The following ZMIZ1 variants were observed in gnomAD, a reference collection of about 807,000 sequenced individuals.
The protein encoded by ZMIZ1 is zinc finger MIZ-type containing 1.
A neutral mutation model predicts 113.9 loss-of-function variants in ZMIZ1; 17 were observed. The observed-to-expected ratio is 0.15, with a 90% CI of 0.10 to 0.22. ZMIZ1 has a LOEUF of 0.22. ZMIZ1 is among the 10% of genes least tolerant of loss of function. The pLI is 1.00. For synonymous variants in ZMIZ1, 607 were observed against 603.1 expected (o/e 1.01, Z -0.09); for missense variants, 1,059 against 1,477.8 (o/e 0.72, Z 4.65).
At chr10:79,277,678 G>A (rs571071627) in intron 8 of ZMIZ1, among the ~76,000 whole-genome samples, 3 of 152,302 alleles carry the variant, frequency 2.0e-5, no homozygotes, top group Non-Finnish European at 2.9e-5. Flanking sequence ...CACGGGGTTG[G>A]TGGTTCCAGC....
chr10:79,095,642 G>A (rs1382799439), intron 1 of ZMIZ1, among the ~76,000 whole-genome samples: 2 of 152,196 alleles, frequency 1.3e-5, no homozygotes, highest in Non-Finnish European at 2.9e-5. Context: ...CCTTGGGCTT[G>A]GAACGCACCT....
chr10:79,255,264 C>T (rs749860602), intron 7 of ZMIZ1, among the ~76,000 whole-genome samples: 8 of 152,216 alleles, frequency 5.3e-5, no homozygotes, highest in Non-Finnish European at 8.8e-5. Flanking sequence ...GGCCTCAGGG[C>T]AGGGGAGAGA....
At chr10:79,114,131 GAC>G (rs1843884034) in intron 1 of ZMIZ1, among the ~76,000 whole-genome samples, 1 of 152,222 alleles carries the variant, frequency 6.6e-6, no homozygotes, top group African/African-American at 2.4e-5. Context: ...TCCAGCGGCA[GAC>G]TTCCCTGCCC....
Position 79,301,738 on chromosome 10 carries a change from G to A in ZMIZ1, c.2020-369G>A, listed in dbSNP as rs1176415828. On this transcript the variant is annotated intron_variant, in intron 17 of 24. Coordinates refer to ENST00000334512, the MANE Select transcript of ZMIZ1 (RefSeq NM_020338.4). ...CGGCTGATGGGTGGACGTTTGGGAT[G>A]TGCAGTTCTGGAAGGCTTCCTGGAG... is the stretch of plus-strand genomic sequence containing the variant. Among the ~76,000 whole-genome samples the A allele has an allele frequency of 2.0e-5, 3 of 152,170 alleles. No homozygotes were observed. The South Asian group carries it at 6.2e-4, about 32-fold the overall frequency.
intron 8 of ZMIZ1, among the ~76,000 whole-genome samples, chr10:79,287,151 C>T (rs959709135): frequency 6.6e-6 from 1 of 152,184 alleles, no homozygotes; most frequent in African/African-American, 2.4e-5. Flanking sequence ...CTCTGGTGTG[C>T]CAGTCTGGAA....
At chr10:79,151,819 C>T (rs1219165534) in intron 3 of ZMIZ1, among the ~76,000 whole-genome samples, 1 of 152,130 alleles carries the variant, frequency 6.6e-6, no homozygotes, top group African/African-American at 2.4e-5. Flanking sequence ...CAGTGGGCTG[C>T]GGGATGTGAG....
chr10:79,204,494 T>G (rs1848230516), intron 5 of ZMIZ1, among the ~76,000 whole-genome samples: 1 of 152,158 alleles, frequency 6.6e-6, no homozygotes, highest in South Asian at 2.1e-4. Context: ...CTGTACCCCA[T>G]CCCTGAGCTT....
chr10:79,272,674 C>T lies in ZMIZ1; in HGVS notation c.281-4507C>T, dbSNP rs555767699. ...AATGAACGTTGGGTGAGTGATAGAA[C>T]ACCTTGGTACTGTAGGTTAGAATGG... On this transcript the variant is annotated intron_variant, in intron 7 of 24. Coordinates refer to ENST00000334512, the MANE Select transcript of ZMIZ1 (RefSeq NM_020338.4). 5.9e-5 allele frequency among the ~76,000 whole-genome samples: 9 copies of T among 152,354 alleles called. No homozygotes were observed. In the South Asian group the frequency reaches 1.9e-3, roughly 32 times the overall value.
At chr10:79,106,631 A>G (rs919976027) in intron 1 of ZMIZ1, among the ~76,000 whole-genome samples, 1 of 152,232 alleles carries the variant, frequency 6.6e-6, no homozygotes, top group Admixed American at 6.5e-5. Flanking sequence ...GCAAGGGGAC[A>G]TCCCCCAACC....
chr10:79,223,242 T>C (rs1024036491), intron 7 of ZMIZ1, among the ~76,000 whole-genome samples: 1 of 152,226 alleles, frequency 6.6e-6, no homozygotes, highest in Non-Finnish European at 1.5e-5. Flanking sequence ...GGCCGCCCAG[T>C]GAGCAGGCAG....
At chr10:79,265,468 C>CT (rs35682814) in intron 7 of ZMIZ1, among the ~76,000 whole-genome samples, 1,019 of 91,622 alleles carry the variant, frequency 0.011, 5 homozygotes, top group South Asian at 0.028. Flanking sequence ...TTTTTCTTTT[C>CT]TTTTTTTTTT....
At chr10:79,081,305 C>T (rs577211184) in intron 1 of ZMIZ1, among the ~76,000 whole-genome samples, 2 of 152,244 alleles carry the variant, frequency 1.3e-5, no homozygotes, top group African/African-American at 4.8e-5. Context: ...GGGAGGTGGC[C>T]TTCTTATATC....
At chr10:79,275,401 G>A (rs1057005148) in intron 7 of ZMIZ1, among the ~76,000 whole-genome samples, 1 of 152,210 alleles carries the variant, frequency 6.6e-6, no homozygotes, top group Non-Finnish European at 1.5e-5. Flanking sequence ...GCCCCTCTTG[G>A]GGACCACAGC....
chr10:79,306,264 C>T lies in ZMIZ1; in HGVS notation c.2588C>T (p.Ala863Val). Residue 863 changes from alanine to valine, a missense_variant, in exon 22 of 25, where the codon GCA (alanine) becomes GTA (valine). Coordinates refer to ENST00000334512, the MANE Select transcript of ZMIZ1 (RefSeq NM_020338.4). ...MIMPNVMEMI[A>V]ALGPGPSPYP... is the part of the protein sequence containing the mutation. ...ATGCCCAATGTCATGGAGATGATCG[C>T]AGCCCTGGGCCCCGGCCCGTCCCCC... 1 of 1,614,106 alleles carries T rather than the reference C, an allele frequency of 6.2e-7. No individual in the cohort carries two copies. Among genetic ancestry groups the T allele is most frequent in the South Asian group, 1.1e-5 (1 of 91,086 alleles).
intron 1 of ZMIZ1, among the ~76,000 whole-genome samples, chr10:79,104,924 C>G (rs1843496208): frequency 6.7e-6 from 1 of 148,982 alleles, no homozygotes; most frequent in Non-Finnish European, 1.5e-5. Flanking sequence ...GATGTGGTTG[C>G]TGTTGTTGTT....
chr10:79,171,670 G>A (rs1846609235), intron 4 of ZMIZ1, among the ~76,000 whole-genome samples: 1 of 152,228 alleles, frequency 6.6e-6, no homozygotes, highest in Non-Finnish European at 1.5e-5. Flanking sequence ...CGGGGCAAGG[G>A]ATGTGTTGAG....
At chr10:79,247,685 G>A (rs1850291951) in intron 7 of ZMIZ1, among the ~76,000 whole-genome samples, 1 of 152,218 alleles carries the variant, frequency 6.6e-6, no homozygotes, top group African/African-American at 2.4e-5. Flanking sequence ...GCTGCTTTGT[G>A]TGTACTGGGT....
At chr10:79,134,328 A>G (rs1564671333) in intron 2 of ZMIZ1, among the ~76,000 whole-genome samples, 1 of 152,258 alleles carries the variant, frequency 6.6e-6, no homozygotes, top group African/African-American at 2.4e-5. Context: ...CCAGCAAAAC[A>G]GTGACCAGGG....
rs1392126735 is a variant in ZMIZ1 at position 79,208,319 on chromosome 10, C to T, written c.61-17C>T. The T allele has an allele frequency of 3.1e-6, 5 of 1,613,184 alleles. No individual in the cohort carries two copies. Among genetic ancestry groups the T allele is most frequent in the Non-Finnish European group, 4.2e-6 (5 of 1,179,294 alleles). On this transcript the variant is annotated splice_polypyrimidine_tract_variant and intron_variant, in intron 5 of 24. Transcript: ENST00000334512. ...TCACTCTTGGAGCCTCAGCCGCCTC[C>T]TTTTCCTTTCCCACAGCACTTACAG...
Sources: gnomAD v4.1 joint callset for allele counts (sites outside exome capture counted in the v4.1 genomes callset) on GRCh38, gnomAD v4.1.1 for gene constraint, MANE v1.5 for transcripts, NCBI Gene and HGNC (gene_info 2026-07-23, HGNC 2026-07-21) for gene names.